Variants in TMEM254 observed in about 807,000 individuals in gnomAD.
TMEM254 encodes the protein transmembrane protein C10orf57.
Under a neutral mutation model 13.9 loss-of-function variants are expected in TMEM254, and 16 were observed. The observed-to-expected ratio is 1.15, with a 90% CI of 0.78 to 1.75. TMEM254 has a LOEUF of 1.75. Among genes scored for constraint, TMEM254 ranks in the 40% most tolerant of loss-of-function variants. The pLI is 0.00. For synonymous variants in TMEM254, 61 were observed against 56.4 expected, an observed-to-expected ratio of 1.08 and a Z score of -0.36; for missense variants, 155 against 149.0, an observed-to-expected ratio of 1.04 and a Z score of -0.21.
chr10:80,082,008 G>T, intron 2 of TMEM254, 64 bp downstream of exon 2: 1 of 1,578,768 alleles, frequency 6.3e-7, no homozygotes, highest in South Asian at 1.1e-5. Flanking sequence ...AAACCTGGAA[G>T]GCCTGCAGCT....
chr10:80,083,681 A>G (rs917959596), intron 3 of TMEM254, among the ~76,000 whole-genome samples: 6 of 152,142 alleles, frequency 3.9e-5, no homozygotes, highest in South Asian at 2.1e-4. Context: ...TGCAGTTGAT[A>G]TCTTCTCTTG....
At chr10:80,082,875 A>G (rs1844113943) in intron 3 of TMEM254, among the ~76,000 whole-genome samples, 1 of 152,182 alleles carries the variant, frequency 6.6e-6, no homozygotes, top group Admixed American at 6.5e-5. Context: ...CTTCTTTCCA[A>G]TTAATTTCTG....
At chr10:80,078,832 G>A (rs1257596986) in intron 1 of TMEM254, 46 bp downstream of exon 1, 1 of 1,557,388 alleles carries the variant, frequency 6.4e-7, no homozygotes, top group East Asian at 2.4e-5. Flanking sequence ...ACGAGCGAGC[G>A]CTCGGTTCAC....
chr10:80,082,487 A>C (rs1296934871), intron 3 of TMEM254, among the ~76,000 whole-genome samples: 2 of 152,196 alleles, frequency 1.3e-5, no homozygotes, highest in African/African-American at 2.4e-5. Flanking sequence ...ACTAGATCAA[A>C]AGACTAGGAA....
At chr10:80,089,176 A>G (rs1844457300) in intron 3 of TMEM254, among the ~76,000 whole-genome samples, 1 of 152,082 alleles carries the variant, frequency 6.6e-6, no homozygotes. Context: ...TCAATTCTGT[A>G]TACCTTTTAT....
At chr10:80,080,663 G>T (rs1032808862) in intron 1 of TMEM254, among the ~76,000 whole-genome samples, 1 of 152,170 alleles carries the variant, frequency 6.6e-6, no homozygotes, top group Admixed American at 6.5e-5. Flanking sequence ...AGTCAGCCAG[G>T]CATGGTGGTT....
chr10:80,082,938 CTAT>C, intron 3 of TMEM254, among the ~76,000 whole-genome samples: 1 of 152,108 alleles, frequency 6.6e-6, no homozygotes, highest in African/African-American at 2.4e-5. Flanking sequence ...ACTATCACCT[CTAT>C]TATTTTTCTA....
intron 3 of TMEM254, among the ~76,000 whole-genome samples, chr10:80,087,452 G>T (rs1381859013): frequency 6.6e-6 from 1 of 151,220 alleles, no homozygotes; most frequent in Non-Finnish European, 1.5e-5. Context: ...ATACCAGCCT[G>T]GCCAACATGG....
intron 3 of TMEM254, among the ~76,000 whole-genome samples, chr10:80,089,334 A>T (rs1358269460): frequency 6.6e-6 from 1 of 151,248 alleles, no homozygotes; most frequent in Non-Finnish European, 1.5e-5. Context: ...AAAATTAGGA[A>T]GTTCCATTGT....
chr10:80,084,259 T>C (rs1844201374), intron 3 of TMEM254, among the ~76,000 whole-genome samples: 1 of 152,108 alleles, frequency 6.6e-6, no homozygotes, highest in South Asian at 2.1e-4. Context: ...TCCTTGATGG[T>C]TCATTCAGAC....
intron 3 of TMEM254, among the ~76,000 whole-genome samples, chr10:80,089,330 A>G (rs1844463299): frequency 6.6e-6 from 1 of 151,222 alleles, no homozygotes; most frequent in South Asian, 2.1e-4. Context: ...TGTCAAAATT[A>G]GGAAGTTCCA....
Position 80,091,038 on chromosome 10 carries a change from C to G in TMEM254, c.*121C>G, listed in dbSNP as rs565599353. The G allele has an allele frequency of 7.7e-7, 1 of 1,304,252 alleles. No individual in the cohort carries two copies. The highest frequency in any genetic ancestry group is 2.4e-5 in the East Asian group (1 of 41,870). The allele number at this position is 1,304,252 out of a possible 1,614,324, so 80.8% of individuals were successfully genotyped here. A position where few individuals can be genotyped will look rare whatever the true frequency, so the allele number is the denominator to read the frequency against. ...ACTTTCTAGAAACTGTCCTTCAAAG[C>G]TCTTTAAGACCCCCTCGTTAGTCAG... On this transcript the variant is annotated 3_prime_UTR_variant, in exon 4 of 4. Coordinates refer to ENST00000372281, the MANE Select transcript of TMEM254 (RefSeq NM_025125.4).
chr10:80,079,120 C>G (rs1286166708), intron 1 of TMEM254: 3 of 1,352,550 alleles, frequency 2.2e-6, no homozygotes, highest in Non-Finnish European at 2.9e-6. Context: ...GCGGCTACCG[C>G]CTATTTCCGT....
chr10:80,079,015 G>C, intron 1 of TMEM254: 2 of 1,530,942 alleles, frequency 1.3e-6, no homozygotes, highest in Non-Finnish European at 1.8e-6. Flanking sequence ...GGCTAGCCAG[G>C]CTTTTCTTAT....
chr10:80,081,732 TC>T, intron 1 of TMEM254, 108 bp from the exon 2 acceptor site: 2 of 1,609,212 alleles, frequency 1.2e-6, no homozygotes, highest in Non-Finnish European at 1.7e-6. Flanking sequence ...CAGAGTTTCT[TC>T]GGTCTGTGGT....
rs868385418 is a variant in TMEM254, at chr10:80,085,522, G to A, written c.251+3318G>A. Among the ~76,000 whole-genome samples, 11 of 151,678 alleles carry A rather than the reference G, an allele frequency of 7.3e-5. No individual in the cohort carries two copies. In the South Asian group the frequency reaches 1.2e-3, roughly 17 times the overall value. The stretch of plus-strand genomic sequence containing the variant: ...GCGGAGGTTGCGGTGAGCTGAGATC[G>A]TACCACTACACTTTAGCCTGGGCGA... On this transcript the variant is annotated intron_variant, in intron 3 of 3. Transcript: ENST00000372281.
intron 3 of TMEM254, among the ~76,000 whole-genome samples, chr10:80,089,408 C>A (rs900949854): frequency 6.6e-6 from 1 of 152,170 alleles, no homozygotes; most frequent in African/African-American, 2.4e-5. Context: ...AGGTGGCTCA[C>A]ACCTGTAATC....
At chr10:80,083,956 G>A (rs576164844) in intron 3 of TMEM254, among the ~76,000 whole-genome samples, 96 of 152,190 alleles carry the variant, frequency 6.3e-4, no homozygotes, top group Non-Finnish European at 9.0e-4. Flanking sequence ...ATGGTGGTGC[G>A]TGCCTGCAGT....
At chr10:80,081,673 A>G (rs1844032075) in intron 1 of TMEM254, 168 bp from the exon 2 acceptor site, 2 of 1,447,636 alleles carry the variant, frequency 1.4e-6, no homozygotes, top group Admixed American at 2.0e-5. Context: ...GTCAAAAAAA[A>G]AAGAAAGAAA....
Sources: allele counts gnomAD v4.1 joint callset (sites outside exome capture counted in the v4.1 genomes callset), GRCh38; gene constraint gnomAD v4.1.1; transcripts MANE v1.5; gene names NCBI Gene and HGNC (gene_info 2026-07-23, HGNC 2026-07-21).